CSMD2: variants seen among roughly 807,000 people sequenced by gnomAD.
CSMD2 encodes CUB and sushi domain-containing protein 2.
In CSMD2, 130 loss-of-function variants were observed where a neutral mutation model predicts 398.5. The observed-to-expected ratio is 0.33, with a 90% confidence interval of 0.28 to 0.38. CSMD2 has a LOEUF of 0.38. Ranked by LOEUF, CSMD2 falls within the 10% of genes least tolerant of loss-of-function variation. CSMD2 has a pLI of 1.00. For synonymous variants in CSMD2, 1,828 were observed against 1,908.5 expected (o/e 0.96, Z 1.10); for missense variants, 3,829 against 4,764.9 (o/e 0.80, Z 5.78).
intron 3 of CSMD2, among the ~76,000 whole-genome samples, chr1:33,992,804 G>A (rs1272680088): frequency 1.3e-5 from 2 of 151,028 alleles, no homozygotes; most frequent in African/African-American, 4.9e-5. Flanking sequence ...GTGAACCCGG[G>A]AGGCAGAGCT....
At chr1:33,525,692 T>A (rs977554071) in intron 65 of CSMD2, among the ~76,000 whole-genome samples, 5 of 152,168 alleles carry the variant, frequency 3.3e-5, no homozygotes, top group African/African-American at 4.8e-5. Flanking sequence ...GAAAGAGTAG[T>A]TTTTTCGTTG....
chr1:33,871,640 G>A (rs1278909188), intron 5 of CSMD2, among the ~76,000 whole-genome samples: 1 of 152,042 alleles, frequency 6.6e-6, no homozygotes, highest in Non-Finnish European at 1.5e-5. Context: ...TTTTTGAGAT[G>A]GAGTCTCGCT....
chr1:33,762,489 C>A (rs182034136), intron 13 of CSMD2, among the ~76,000 whole-genome samples: 58 of 152,324 alleles, frequency 3.8e-4, no homozygotes, highest in Admixed American at 2.6e-3. Context: ...TTCCCAGTTC[C>A]TCTTCCACGC....
chr1:33,880,564 C>T (rs1641166882), intron 5 of CSMD2, among the ~76,000 whole-genome samples: 1 of 152,204 alleles, frequency 6.6e-6, no homozygotes, highest in South Asian at 2.1e-4. Flanking sequence ...AAAGACTGCG[C>T]TCTTCACTTA....
Position 34,164,899 on chromosome 1 carries a change from G to A in CSMD2, c.187+12C>T. 8.2e-7 allele frequency: 1 copy of A among 1,219,300 alleles called. No homozygotes were observed. The highest frequency in any genetic ancestry group is 4.3e-5 in the Admixed American group (1 of 23,234). 75.5% of individuals were successfully genotyped at this position (1,219,300 alleles called of 1,614,324 possible). A position where few individuals can be genotyped will look rare whatever the true frequency, so the allele number is the denominator to read the frequency against. On this transcript the variant is annotated intron_variant, in intron 1 of 70. Coordinates refer to ENST00000373381, the MANE Select transcript of CSMD2 (RefSeq NM_001281956.2). This position sits in a 1 kb window ranked among gnomAD's most constrained non-coding sequence, Gnocchi z 6.2. ...GCGGCGGCCGCTGGCTCCTCGGCGC[G>A]GCTGGACTCACCCGCGGCGGCCGAG...
At chr1:33,854,928 C>T (rs979653081) in intron 5 of CSMD2, among the ~76,000 whole-genome samples, 12 of 152,152 alleles carry the variant, frequency 7.9e-5, no homozygotes, top group African/African-American at 2.7e-4. Context: ...TTGCGAAGGT[C>T]TAGGGGTGGC....
intron 1 of CSMD2, among the ~76,000 whole-genome samples, chr1:34,127,338 G>C (rs1011346052): frequency 1.3e-5 from 2 of 152,312 alleles, no homozygotes; most frequent in Admixed American, 6.5e-5. Flanking sequence ...TTTTGAACCT[G>C]TTTTAAATTC....
Position 33,623,376 on chromosome 1 carries a change from A to G in CSMD2, c.5716T>C (p.Phe1906Leu). The G allele has an allele frequency of 1.9e-6, 3 of 1,613,966 alleles. No individual in the cohort carries two copies. Among genetic ancestry groups the G allele is most frequent in the Non-Finnish European group, 2.5e-6 (3 of 1,179,852 alleles). Reference sequence around the variant, plus strand: ...CCCTGGAAACCCAGCTTACCTGAGAAACTCCCCAGCATGGTTACAGTGTTA... The same window carrying G: ...CCCTGGAAACCCAGCTTACCTGAGAGACTCCCCAGCATGGTTACAGTGTTA... The part of the protein sequence containing the change: ...ADNTVTMLGS[F>L]SGTTVPALLN... Residue 1906 changes from phenylalanine (F) to leucine (L), a missense_variant, in exon 36 of 71, where the codon TTC (phenylalanine) becomes CTC (leucine). By Grantham distance (22) the Phe-to-Leu change is conservative. This residue lies in a region of CSMD2 where 2,001 missense variants were observed against 2,567.1 expected (regional missense o/e 0.78). Transcript: ENST00000373381.
chr1:33,727,991 G>A (rs954204592), intron 15 of CSMD2, among the ~76,000 whole-genome samples: 2 of 152,148 alleles, frequency 1.3e-5, no homozygotes, highest in Non-Finnish European at 2.9e-5. Context: ...TTCACTCTTT[G>A]CAAAACAAAA....
intron 12 of CSMD2, among the ~76,000 whole-genome samples, chr1:33,786,437 G>C (rs1220250532): frequency 6.6e-6 from 1 of 152,182 alleles, no homozygotes; most frequent in Non-Finnish European, 1.5e-5. Flanking sequence ...AAGGTCTCCT[G>C]ATAGTTTTGT....
intron 56 of CSMD2, 50 bp downstream of exon 56, chr1:33,550,127 A>C (rs1557520013): frequency 6.4e-7 from 1 of 1,574,568 alleles, no homozygotes; most frequent in Non-Finnish European, 8.7e-7. Context: ...TCTACCTCCC[A>C]TCAGTCAAGC....
chr1:33,759,045 A>G (rs983504544), intron 13 of CSMD2, among the ~76,000 whole-genome samples: 16 of 152,234 alleles, frequency 1.1e-4, no homozygotes, highest in African/African-American at 3.9e-4. Flanking sequence ...ATGCCACAGC[A>G]AAAGTTGACT....
At chr1:34,009,355 G>T (rs933935563) in intron 3 of CSMD2, among the ~76,000 whole-genome samples, 1 of 151,188 alleles carries the variant, frequency 6.6e-6, no homozygotes, top group African/African-American at 2.4e-5. Context: ...GGTCGGGGGT[G>T]GGGGAAGGTG....
chr1:34,164,370 C>G lies in CSMD2; in HGVS notation c.187+541G>C, dbSNP rs1448410987. Among the ~76,000 whole-genome samples the G allele has an allele frequency of 6.6e-6, 1 of 152,098 alleles. No homozygotes were observed. The highest frequency in any genetic ancestry group is 1.5e-5 in the Non-Finnish European group (1 of 68,004). On this transcript the variant is annotated intron_variant, in intron 1 of 70. Transcript: ENST00000373381. The surrounding 1 kb of genome is among the most constrained non-coding windows in gnomAD (Gnocchi z 6.2). ...CATTTGAGGAGGGGGATGGCGGCCGCAGTCTGCAGTCGGTTCCAGAGGGGG... is the reference window on the plus strand; with the variant it reads ...CATTTGAGGAGGGGGATGGCGGCCGGAGTCTGCAGTCGGTTCCAGAGGGGG...
At chr1:34,033,173 T>C (rs1234388835) in intron 2 of CSMD2, among the ~76,000 whole-genome samples, 1 of 152,238 alleles carries the variant, frequency 6.6e-6, no homozygotes, top group Non-Finnish European at 1.5e-5. Context: ...CTACTGCTTT[T>C]ATAGAAATAA....
chr1:33,955,769 T>C (rs1167880480), intron 3 of CSMD2, among the ~76,000 whole-genome samples: 5 of 82,352 alleles, frequency 6.1e-5, no homozygotes, highest in African/African-American at 2.1e-4. Flanking sequence ...TCATCATTTC[T>C]ATTGGGTTGC....
chr1:34,081,336 T>C (rs1466060297), intron 2 of CSMD2, among the ~76,000 whole-genome samples: 2 of 152,146 alleles, frequency 1.3e-5, no homozygotes, highest in African/African-American at 2.4e-5. Flanking sequence ...TTTCCCCTCC[T>C]ATCATCCTCC....
intron 5 of CSMD2, among the ~76,000 whole-genome samples, chr1:33,871,811 T>C (rs1189184730): frequency 6.6e-6 from 1 of 152,140 alleles, no homozygotes; most frequent in African/African-American, 2.4e-5. Context: ...GAGATGGGGT[T>C]TCACCGTGTT....
Position 33,518,954 on chromosome 1 carries a change from G to GTA in CSMD2, c.*53+509_*53+510dup, listed in dbSNP as rs539033664. 2.6e-5 allele frequency among the ~76,000 whole-genome samples: 4 copies of GTA among 152,190 alleles called. No individual in the cohort carries two copies. In the East Asian group the frequency reaches 7.7e-4, roughly 29 times the overall value. ...TGTATTGCGTTTATAGTGTATGAAT[G>GTA]TATATATATACACAATATACCTATA... On this transcript the variant is annotated intron_variant, in intron 70 of 70. Coordinates refer to ENST00000373381, the MANE Select transcript of CSMD2 (RefSeq NM_001281956.2). The surrounding 1 kb of genome is among the most constrained non-coding windows in gnomAD (Gnocchi z 4.3).
Sources: gnomAD v4.1 joint callset for allele counts (sites outside exome capture counted in the v4.1 genomes callset) on GRCh38, gnomAD v4.1.1 for gene constraint, gnomAD v4.1.1 regional missense constraint, Gnocchi (gnomAD v3.1) non-coding constraint, MANE v1.5 for transcripts, NCBI Gene and HGNC (gene_info 2026-07-23, HGNC 2026-07-21) for gene names.